Variants in SRGAP3 observed in about 807,000 individuals in gnomAD.
SRGAP3 encodes the protein SLIT-ROBO Rho GTPase-activating protein 3.
Under a neutral mutation model 121.1 loss-of-function variants are expected in SRGAP3, and 39 were observed. That is an observed-to-expected ratio of 0.32 (90% CI 0.25 to 0.42). The LOEUF is 0.42. Ranked by LOEUF, SRGAP3 falls within the 10% of genes least tolerant of loss-of-function variation. The pLI, the probability that SRGAP3 is intolerant of heterozygous loss-of-function variation, is 1.00. For missense variants in SRGAP3, 1,213 were observed against 1,470.6 expected (o/e 0.82, Z 2.86); for synonymous variants, 601 against 570.0 (o/e 1.05, Z -0.77).
intron 1 of SRGAP3, among the ~76,000 whole-genome samples, chr3:9,189,726 T>C (rs574495695): frequency 1.3e-5 from 2 of 152,232 alleles, no homozygotes; most frequent in Non-Finnish European, 2.9e-5. Flanking sequence ...AGAAGTTTCA[T>C]GTCCTTCACA....
intron 18 of SRGAP3, among the ~76,000 whole-genome samples, chr3:9,004,838 T>C (rs1001467600): frequency 1.3e-5 from 2 of 152,234 alleles, no homozygotes; most frequent in East Asian, 3.9e-4. Context: ...CAGGAATACA[T>C]CCTCATGAAC....
At chr3:9,028,466 C>A (rs1467972293) in intron 12 of SRGAP3, among the ~76,000 whole-genome samples, 6 of 152,180 alleles carry the variant, frequency 3.9e-5, no homozygotes, top group African/African-American at 1.4e-4. Context: ...ATCCCTGTAC[C>A]TAGCTTCTCT....
At chr3:9,111,905 A>G (rs935319806) in intron 2 of SRGAP3, among the ~76,000 whole-genome samples, 1 of 152,180 alleles carries the variant, frequency 6.6e-6, no homozygotes, top group Non-Finnish European at 1.5e-5. Flanking sequence ...CACGTTAGAA[A>G]TTTTGCATAT....
chr3:9,190,849 G>C (rs1429814723), intron 1 of SRGAP3, among the ~76,000 whole-genome samples: 1 of 152,132 alleles, frequency 6.6e-6, no homozygotes, highest in Non-Finnish European at 1.5e-5. Context: ...ACATCCCAGG[G>C]CTGGGGACCC....
chr3:9,104,641 G>T (rs374398059), intron 3 of SRGAP3, 39 bp downstream of exon 3: 195 of 1,612,680 alleles, frequency 1.2e-4, no homozygotes, highest in Non-Finnish European at 1.6e-4. Flanking sequence ...CCAGCTTGGG[G>T]CAAAGACCTG....
chr3:9,122,542 T>C (rs1949047985), intron 2 of SRGAP3, among the ~76,000 whole-genome samples: 1 of 151,880 alleles, frequency 6.6e-6, no homozygotes, highest in Admixed American at 6.6e-5. Flanking sequence ...ACCCCGTCTC[T>C]ACTAAAAATA....
chr3:9,362,889 G>A (rs753195772), exon 1 of SRGAP3: 1 of 152,208 alleles, frequency 6.6e-6, no homozygotes, highest in Non-Finnish European at 1.5e-5. Flanking sequence ...AAATACCATG[G>A]TAGGACACAA....
chr3:9,253,905 C>A (rs550362610), upstream of SRGAP3, among the ~76,000 whole-genome samples: 5 of 152,200 alleles, frequency 3.3e-5, no homozygotes, highest in Non-Finnish European at 7.3e-5. Context: ...CGTGGATAAG[C>A]AGAGGTTTTG....
At chr3:9,306,426 C>G (rs913501983) in intron 3 of SRGAP3, among the ~76,000 whole-genome samples, 201 of 152,268 alleles carry the variant, frequency 1.3e-3, no homozygotes, top group Non-Finnish European at 1.0e-3. Flanking sequence ...AATTAGATCC[C>G]ATTTGTCTAT....
intron 4 of SRGAP3, among the ~76,000 whole-genome samples, chr3:9,074,725 G>A (rs991262033): frequency 1.3e-5 from 2 of 152,200 alleles, no homozygotes; most frequent in Non-Finnish European, 2.9e-5. Context: ...AGACACCTTT[G>A]CCAAGATTTG....
intron 3 of SRGAP3, among the ~76,000 whole-genome samples, chr3:9,082,110 G>GT (rs999245757): frequency 5.3e-5 from 8 of 152,280 alleles, no homozygotes; most frequent in Admixed American, 3.3e-4. Context: ...GGTGTATTCT[G>GT]AAGTGTGTGG....
chr3:9,263,184 G>A (rs530009605), intron 3 of SRGAP3, among the ~76,000 whole-genome samples: 6 of 152,120 alleles, frequency 3.9e-5, no homozygotes, highest in Non-Finnish European at 5.9e-5. Flanking sequence ...ACAAAGATAC[G>A]AAGTACCAGA....
At chr3:9,104,642 C>A (rs1948346865) in intron 3 of SRGAP3, 38 bp downstream of exon 3, 1 of 1,613,102 alleles carries the variant, frequency 6.2e-7, no homozygotes, top group Non-Finnish European at 8.5e-7. Flanking sequence ...CAGCTTGGGG[C>A]AAAGACCTGG....
intron 1 of SRGAP3, among the ~76,000 whole-genome samples, chr3:9,335,824 C>T (rs1575014142): frequency 1.3e-5 from 2 of 152,266 alleles, no homozygotes; most frequent in Non-Finnish European, 2.9e-5. Flanking sequence ...TTTAAATGGT[C>T]TGGGATGCAG....
chr3:9,020,202 C>T (rs1943846339), intron 14 of SRGAP3, among the ~76,000 whole-genome samples: 1 of 152,066 alleles, frequency 6.6e-6, no homozygotes, highest in Non-Finnish European at 1.5e-5. Flanking sequence ...CTTTCTTCTA[C>T]CTGTGATTTT....
At chr3:9,214,663 G>C (rs1249879119) in intron 1 of SRGAP3, among the ~76,000 whole-genome samples, 1 of 152,220 alleles carries the variant, frequency 6.6e-6, no homozygotes. Flanking sequence ...TCCATGGATG[G>C]AGAAGCTGGA....
chr3:9,002,325 T>C (rs1172910704), intron 18 of SRGAP3, among the ~76,000 whole-genome samples: 1 of 152,122 alleles, frequency 6.6e-6, no homozygotes. Context: ...GCAAAAATTA[T>C]ACAGCATACT....
chr3:9,261,448 C>A (rs1407268018), intron 3 of SRGAP3, among the ~76,000 whole-genome samples: 1 of 151,852 alleles, frequency 6.6e-6, no homozygotes. Context: ...AACTAAGAAC[C>A]TTGATAAAAG....
At chr3:9,181,946 G>A (rs1190650265) in intron 1 of SRGAP3, among the ~76,000 whole-genome samples, 2 of 152,090 alleles carry the variant, frequency 1.3e-5, no homozygotes, top group Non-Finnish European at 2.9e-5. Context: ...AGGCCAAGGT[G>A]GGTGGATTAC....
Sources: gnomAD v4.1 joint callset for allele counts (sites outside exome capture counted in the v4.1 genomes callset) on GRCh38, gnomAD v4.1.1 for gene constraint, MANE v1.5 for transcripts, NCBI Gene and HGNC (gene_info 2026-07-23, HGNC 2026-07-21) for gene names.